The following NPAS3 variants were observed in gnomAD, a reference collection of about 807,000 sequenced individuals.
NPAS3 encodes neuronal PAS domain-containing protein 3.
NPAS3 carries 14 observed loss-of-function variants against 73.1 expected under a neutral mutation model. The ratio of observed to expected loss-of-function variants is 0.19; its 90% CI spans 0.13 to 0.30. The LOEUF is 0.30. Among genes scored for constraint, NPAS3 ranks in the 10% least tolerant of loss-of-function variants. NPAS3 has a pLI of 1.00. For missense variants in NPAS3, 1,096 were observed against 1,250.0 expected (o/e 0.88, Z 1.86); for synonymous variants, 620 against 541.5 (o/e 1.14, Z -2.01).
At chr14:32,956,231 T>C (rs1044960555) in intron 1 of NPAS3, among the ~76,000 whole-genome samples, 3 of 152,134 alleles carry the variant, frequency 2.0e-5, no homozygotes, top group Admixed American at 1.3e-4. Flanking sequence ...CAATAATAAT[T>C]TAAGTTGATT....
chr14:33,162,648 C>T (rs907530767), intron 2 of NPAS3, among the ~76,000 whole-genome samples: 4 of 151,708 alleles, frequency 2.6e-5, no homozygotes, highest in African/African-American at 4.9e-5. Context: ...AGCAACCAAA[C>T]ATCAACTTTT....
intron 4 of NPAS3, among the ~76,000 whole-genome samples, chr14:33,488,394 T>G (rs1308719705): frequency 6.6e-6 from 1 of 152,028 alleles, no homozygotes; most frequent in Admixed American, 6.6e-5. Flanking sequence ...ATGCAAGTGC[T>G]TTTACGCAGC....
At chr14:33,637,560 C>T (rs1204222903) in intron 5 of NPAS3, among the ~76,000 whole-genome samples, 4 of 152,126 alleles carry the variant, frequency 2.6e-5, no homozygotes, top group African/African-American at 7.2e-5. Context: ...GAGATTTTAC[C>T]TATTGAATGT....
chr14:33,339,226 G>A (rs17567821), intron 3 of NPAS3, among the ~76,000 whole-genome samples: 15,884 of 152,116 alleles, frequency 0.1, 935 homozygotes, highest in Non-Finnish European at 0.14. Flanking sequence ...GCACATGATT[G>A]CATTTCAACC....
intron 4 of NPAS3, among the ~76,000 whole-genome samples, chr14:33,379,148 T>G (rs2046431386): frequency 6.6e-6 from 1 of 152,150 alleles, no homozygotes; most frequent in Non-Finnish European, 1.5e-5. Flanking sequence ...ATGTTTAGAC[T>G]TGGGTCTCAT....
intron 6 of NPAS3, among the ~76,000 whole-genome samples, chr14:33,698,677 C>T (rs1342406205): frequency 6.6e-6 from 1 of 152,218 alleles, no homozygotes; most frequent in Non-Finnish European, 1.5e-5. Flanking sequence ...TACTTCCCTT[C>T]CTCAGACAGG....
intron 5 of NPAS3, among the ~76,000 whole-genome samples, chr14:33,623,971 T>C (rs541632108): frequency 1.3e-5 from 2 of 152,354 alleles, no homozygotes; most frequent in Non-Finnish European, 2.9e-5. Context: ...TTCCCAGATA[T>C]GGCATCGCTT....
chr14:33,600,969 G>T (rs538757384), intron 5 of NPAS3, among the ~76,000 whole-genome samples: 13 of 152,260 alleles, frequency 8.5e-5, no homozygotes, highest in Admixed American at 4.6e-4. Flanking sequence ...GGGGTAAGCA[G>T]ACATTTTTTT....
chr14:33,372,990 A>G (rs28634110), intron 4 of NPAS3, among the ~76,000 whole-genome samples: 44,288 of 151,892 alleles, frequency 0.29, 6,931 homozygotes, highest in South Asian at 0.41. Flanking sequence ...AAAAGTACGC[A>G]TGTTATTTAT....
At chr14:33,093,934 A>G (rs926179727) in intron 2 of NPAS3, among the ~76,000 whole-genome samples, 1 of 149,132 alleles carries the variant, frequency 6.7e-6, no homozygotes, top group Non-Finnish European at 1.5e-5. Context: ...ACACTTGGAC[A>G]TGGGAAGGGG....
intron 2 of NPAS3, among the ~76,000 whole-genome samples, chr14:33,184,179 C>T (rs561642998): frequency 6.6e-6 from 1 of 152,234 alleles, no homozygotes; most frequent in African/African-American, 2.4e-5. Context: ...GGGAGGGGCA[C>T]GATGCCACAG....
At position 33,778,581 on chromosome 14, in the gene NPAS3, C is replaced by A; in HGVS notation, c.1153+9C>A. The A allele has an allele frequency of 6.3e-7, 1 of 1,588,008 alleles. No individual in the cohort carries two copies. The highest frequency in any genetic ancestry group is 8.6e-7 in the Non-Finnish European group (1 of 1,156,228). On this transcript the variant is annotated intron_variant, in intron 9 of 11. Transcript: ENST00000356141. Reference sequence around the variant, plus strand: ...GCACAGTCACTTGGACTGTAAGTACCTCCTGTGTGGGGGAATAACCCCGGC... The same window carrying A: ...GCACAGTCACTTGGACTGTAAGTACATCCTGTGTGGGGGAATAACCCCGGC...
intron 4 of NPAS3, among the ~76,000 whole-genome samples, chr14:33,426,646 CTGAAGAGGAGGGA>C (rs571752291): frequency 9.3e-4 from 141 of 152,050 alleles, no homozygotes; most frequent in African/African-American, 3.3e-3. Context: ...GGAGTTAGTG[CTGAAGAGGAGGGA>C]GAGTGCAGAT....
At chr14:33,447,176 G>C (rs1441417944) in intron 4 of NPAS3, among the ~76,000 whole-genome samples, 3 of 152,238 alleles carry the variant, frequency 2.0e-5, no homozygotes, top group Non-Finnish European at 4.4e-5. Context: ...ATCTTAGCTT[G>C]GTGGTAGAAG....
At chr14:33,273,768 G>A (rs1432195286) in intron 3 of NPAS3, among the ~76,000 whole-genome samples, 3 of 152,144 alleles carry the variant, frequency 2.0e-5, no homozygotes, top group Non-Finnish European at 4.4e-5. Flanking sequence ...CCTGAAGGCA[G>A]GGGTACTTGT....
Position 33,800,524 on chromosome 14 carries a change from G to T in NPAS3, c.2217G>T (p.Leu739=). 7.2e-7 allele frequency: 1 copy of T among 1,386,400 alleles called. No individual in the cohort carries two copies. The highest frequency in any genetic ancestry group is 9.3e-7 in the Non-Finnish European group (1 of 1,077,464). The allele number at this position is 1,386,400 out of a possible 1,614,324, so 85.9% of individuals were successfully genotyped here. ...TCGGCGCCTCGGCCACCGCGGCCCT[G>T]GCCCCCGTCGCCTCCGACCCGCTGT... Residue 739 remains leucine (L), a synonymous_variant, in exon 12 of 12, where the codon CTG becomes CTT. Coordinates refer to ENST00000356141, the Ensembl canonical transcript of NPAS3. This position sits in a 1 kb window ranked among gnomAD's most constrained non-coding sequence, Gnocchi z 6.5.
chr14:33,687,958 A>G (rs2140393698), intron 6 of NPAS3, among the ~76,000 whole-genome samples: 1 of 152,360 alleles, frequency 6.6e-6, no homozygotes, highest in South Asian at 2.1e-4. Flanking sequence ...AAATCTATGT[A>G]TCAGTTTGTA....
At position 33,791,589 on chromosome 14, in the gene NPAS3, G is replaced by A. The variant is rs146558531; in HGVS notation, c.1154-2308G>A. Among the ~76,000 whole-genome samples the A allele has an allele frequency of 1.3e-3, 201 of 152,290 alleles. 1 individual carries two copies. The highest frequency in any genetic ancestry group is 1.3e-3 in the Admixed American group (20 of 15,294). On this transcript the variant is annotated intron_variant, in intron 9 of 11. Coordinates refer to ENST00000356141, the Ensembl canonical transcript of NPAS3. ...GTGCAGACCACTGGGGAGGCCAAAC[G>A]TTTGGCTGGATGTCTATTTCCAAAT...
At chr14:33,754,731 C>A (rs1184492579) in intron 7 of NPAS3, among the ~76,000 whole-genome samples, 4 of 146,548 alleles carry the variant, frequency 2.7e-5, no homozygotes, top group Non-Finnish European at 6.2e-5. Context: ...TTTCAAGATT[C>A]TCTCTCTCTT....
Sources: gnomAD v4.1 joint callset for allele counts (sites outside exome capture counted in the v4.1 genomes callset) on GRCh38, gnomAD v4.1.1 for gene constraint, Gnocchi (gnomAD v3.1) non-coding constraint, MANE v1.5 for transcripts, NCBI Gene and HGNC (gene_info 2026-07-23, HGNC 2026-07-21) for gene names.